ARHGEF9: variants seen among roughly 807,000 people sequenced by gnomAD.
ARHGEF9 encodes the protein Cdc42 guanine nucleotide exchange factor 9.
A neutral mutation model predicts 41.3 loss-of-function variants in ARHGEF9; 2 were observed. The observed-to-expected ratio is 0.05, with a 90% CI of 0.02 to 0.15. The LOEUF is 0.15. Among genes scored for constraint, ARHGEF9 ranks in the 10% least tolerant of loss-of-function variants. The probability of loss-of-function intolerance (pLI) is 1.00; values close to 1 mark genes in which losing one functional copy is unlikely to be tolerated. For missense variants in ARHGEF9, 225 were observed against 424.7 expected (o/e 0.53, Z 4.13); for synonymous variants, 160 against 154.4 (o/e 1.04, Z -0.27).
At chrX:63,757,527 C>G (rs1188402806) in intron 1 of ARHGEF9, among the ~76,000 whole-genome samples, 2 of 111,770 alleles carry the variant, frequency 1.8e-5, no homozygotes, top group African/African-American at 6.5e-5. Flanking sequence ...TTGCCAGAAA[C>G]CAAGAAAATA....
At chrX:63,761,905 C>G (rs1381936920) in intron 1 of ARHGEF9, among the ~76,000 whole-genome samples, 5 of 112,079 alleles carry the variant, frequency 4.5e-5, no homozygotes, top group Non-Finnish European at 7.5e-5. Context: ...GACCATCTGG[C>G]TCTACTCAGG....
chrX:63,707,514 A>G (rs1300138338), intron 2 of ARHGEF9: 2 of 111,046 alleles, frequency 1.8e-5, no homozygotes, highest in African/African-American at 6.6e-5. Context: ...CCATGGGGGC[A>G]GGAAGGAAAC....
At position 63,775,276 on chromosome X, in the gene ARHGEF9, C is replaced by A. The variant is rs781811629; in HGVS notation, c.30+9840G>T. Reference sequence around the variant, plus strand: ...TGTGGAAAGCAGTTTGGAGATTTCTCAAAGAACTTAAAACAGAGATACCAT... The same window carrying A: ...TGTGGAAAGCAGTTTGGAGATTTCTAAAAGAACTTAAAACAGAGATACCAT... On this transcript the variant is annotated intron_variant, in intron 1 of 9. Coordinates refer to ENST00000671741, the MANE Select transcript of ARHGEF9 (RefSeq NM_001353921.2). Among the ~76,000 whole-genome samples, 3 of 112,521 alleles carry A rather than the reference C, an allele frequency of 2.7e-5. No homozygotes were observed. In the Admixed American group the frequency reaches 2.8e-4, roughly 11 times the overall value.
At chrX:63,644,948 T>A (rs1486789969) in intron 8 of ARHGEF9, among the ~76,000 whole-genome samples, 1 of 108,595 alleles carries the variant, frequency 9.2e-6, no homozygotes, top group Non-Finnish European at 1.9e-5. Flanking sequence ...TTTTAATTGT[T>A]ATTTTTTGTA....
In ARHGEF9 at chrX:63,693,276, A is replaced by G. The variant is rs1406058886; in HGVS notation, c.582+3849T>C. Among the ~76,000 whole-genome samples the G allele has an allele frequency of 4.2e-4, 47 of 111,961 alleles. 1 individual carries two copies. The highest frequency in any genetic ancestry group is 1.3e-3 in the African/African-American group (39 of 30,815). On this transcript the variant is annotated intron_variant, in intron 4 of 9. Transcript: ENST00000671741. Reference sequence around the variant, plus strand: ...AATGCCCCCAACACAAATAAATGATAAATGTTTGAGATGATGGCTATCCCA... The same window carrying G: ...AATGCCCCCAACACAAATAAATGATGAATGTTTGAGATGATGGCTATCCCA...
chrX:63,648,232 T>C (rs1406447606), intron 8 of ARHGEF9, among the ~76,000 whole-genome samples: 1 of 111,441 alleles, frequency 9.0e-6, no homozygotes, highest in Non-Finnish European at 1.9e-5. Context: ...AGGAAGCCCA[T>C]CAGACTAACA....
At chrX:63,762,324 G>A (rs1276182544) in intron 1 of ARHGEF9, among the ~76,000 whole-genome samples, 1 of 111,913 alleles carries the variant, frequency 8.9e-6, no homozygotes, top group African/African-American at 3.2e-5. Context: ...GGGCAGGTAG[G>A]TAGCCAGGAT....
chrX:63,775,819 C>A, intron 1 of ARHGEF9, among the ~76,000 whole-genome samples: 1 of 111,482 alleles, frequency 9.0e-6, no homozygotes, highest in Admixed American at 9.5e-5. Context: ...ACTCCTTGAA[C>A]CTGAAATAAA....
intron 1 of ARHGEF9, among the ~76,000 whole-genome samples, chrX:63,775,073 A>G (rs1476632339): frequency 8.9e-6 from 1 of 112,670 alleles, no homozygotes; most frequent in Non-Finnish European, 1.9e-5. Context: ...CATATGAAAA[A>G]ATATTCAACA....
chrX:63,732,900 T>C (rs1556420894), intron 1 of ARHGEF9, among the ~76,000 whole-genome samples: 1 of 111,887 alleles, frequency 8.9e-6, no homozygotes, highest in East Asian at 2.8e-4. Context: ...GCCAGGCTGC[T>C]TCTTCCTAGC....
chrX:63,665,841 C>A, intron 7 of ARHGEF9, 45 bp downstream of exon 7: 3 of 1,196,836 alleles, frequency 2.5e-6, no homozygotes, highest in Non-Finnish European at 3.4e-6. Flanking sequence ...GTCCGGTACC[C>A]TGTTAGGTAC....
intron 2 of ARHGEF9, among the ~76,000 whole-genome samples, chrX:63,707,647 C>T (rs1438964824): frequency 8.1e-5 from 9 of 111,188 alleles, no homozygotes; most frequent in African/African-American, 2.9e-4. Flanking sequence ...CTCCTTAAAC[C>T]CCAGTTTTTT....
At chrX:63,638,326 G>C in intron 9 of ARHGEF9, 117 bp from the exon 10 acceptor site, 1 of 671,930 alleles carries the variant, frequency 1.5e-6, no homozygotes, top group Non-Finnish European at 2.3e-6. Context: ...TAGAGAGTGT[G>C]AACTGGTTTT....
chrX:63,677,854 A>ATGTTAGCTTTG lies in ARHGEF9; in HGVS notation c.815+485_815+486insCAAAGCTAACA, dbSNP rs2050364443. Among the ~76,000 whole-genome samples the ATGTTAGCTTTG allele has an allele frequency of 2.7e-5, 3 of 112,052 alleles. No individual in the cohort carries two copies. The Admixed American group carries it at 2.8e-4, about 11-fold the overall frequency. ...TAACATAGCTTTGAGCTATGCTTAAAAACTTTTTTCTGGAACTTTTAAGAT... is the reference window on the plus strand; with the variant it reads ...TAACATAGCTTTGAGCTATGCTTAAATGTTAGCTTTGAACTTTTTTCTGGAACTTTTAAGAT... On this transcript the variant is annotated intron_variant, in intron 5 of 9. Coordinates refer to ENST00000671741, the MANE Select transcript of ARHGEF9 (RefSeq NM_001353921.2).
At chrX:63,730,022 G>T (rs1276473482) in intron 1 of ARHGEF9, among the ~76,000 whole-genome samples, 1 of 111,697 alleles carries the variant, frequency 9.0e-6, no homozygotes, top group African/African-American at 3.3e-5. Context: ...TTTTAACCTA[G>T]AAATATGATT....
Position 63,767,125 on chromosome X carries a change from C to G in ARHGEF9, c.30+17991G>C, listed in dbSNP as rs1602738382. On this transcript the variant is annotated intron_variant, in intron 1 of 9. Coordinates refer to ENST00000671741, the MANE Select transcript of ARHGEF9 (RefSeq NM_001353921.2). ...CTAGCAGTGAACACTTTCACCATTA[C>G]AGGCCATGCTGTGACAAAGCAGCTG... is the stretch of plus-strand genomic sequence containing the variant. 7.4e-6 allele frequency: 7 copies of G among 942,182 alleles called. No individual in the cohort carries two copies. In the African/African-American group the frequency reaches 1.2e-4, roughly 16 times the overall value. The allele number at this position is 942,182 out of a possible 1,213,427, so 77.6% of individuals were successfully genotyped here.
Position 63,717,192 on chromosome X carries a change from T to G in ARHGEF9, c.210+7340A>C, listed in dbSNP as rs1464542954. Among the ~76,000 whole-genome samples, 6 of 112,436 alleles carry G rather than the reference T, an allele frequency of 5.3e-5. No individual in the cohort carries two copies. In the Admixed American group the frequency reaches 5.6e-4, roughly 11 times the overall value. Reference sequence around the variant, plus strand: ...TTCAATCCATTCTTGGGTTCCTACATATAACACAATGTTCCACCATTTATT... The same window carrying G: ...TTCAATCCATTCTTGGGTTCCTACAGATAACACAATGTTCCACCATTTATT... On this transcript the variant is annotated intron_variant, in intron 2 of 9. Transcript: ENST00000671741.
intron 1 of ARHGEF9, among the ~76,000 whole-genome samples, chrX:63,761,838 T>C (rs1317336743): frequency 1.8e-5 from 2 of 111,867 alleles, no homozygotes; most frequent in Non-Finnish European, 3.8e-5. Context: ...ATTTTGGGCC[T>C]ATTTCACATT....
At chrX:63,666,326 CCTCTCTCT>C (rs368308422) in intron 6 of ARHGEF9, among the ~76,000 whole-genome samples, 2 of 95,204 alleles carry the variant, frequency 2.1e-5, no homozygotes, top group Admixed American at 1.1e-4. Flanking sequence ...TCTGTGTCTG[CCTCTCTCT>C]CTCTCTCTCT....
Sources: gnomAD v4.1 joint callset for allele counts (sites outside exome capture counted in the v4.1 genomes callset) on GRCh38, gnomAD v4.1.1 for gene constraint, MANE v1.5 for transcripts, NCBI Gene and HGNC (gene_info 2026-07-23, HGNC 2026-07-21) for gene names.